Variants in ROBO1 observed in about 807,000 individuals in gnomAD.
ROBO1 encodes the protein roundabout homolog 1.
In ROBO1, 149 loss-of-function variants were observed where a neutral mutation model predicts 195.9. The observed-to-expected ratio is 0.76, with a 90% confidence interval of 0.67 to 0.87. ROBO1 has a LOEUF of 0.87. ROBO1 is among the 40% of genes least tolerant of loss of function. The probability of loss-of-function intolerance (pLI) is 0.00; values close to 1 mark genes in which losing one functional copy is unlikely to be tolerated. For missense variants in ROBO1, 1,933 were observed against 2,068.3 expected (o/e 0.93, Z 1.27); for synonymous variants, 816 against 733.2 (o/e 1.11, Z -1.82).
chr3:78,897,581 G>C (rs993575735), intron 4 of ROBO1, among the ~76,000 whole-genome samples: 1 of 152,060 alleles, frequency 6.6e-6, no homozygotes, highest in Non-Finnish European at 1.5e-5. Context: ...GTTATTTTGA[G>C]AGCATAAAAG....
intron 1 of ROBO1, among the ~76,000 whole-genome samples, chr3:79,602,804 T>C (rs569603404): frequency 6.6e-6 from 1 of 152,114 alleles, no homozygotes; most frequent in South Asian, 2.1e-4. Context: ...CTACTGGAAC[T>C]AAAAATAGGT....
At chr3:79,258,962 C>T (rs2082887627) in intron 2 of ROBO1, among the ~76,000 whole-genome samples, 1 of 151,958 alleles carries the variant, frequency 6.6e-6, no homozygotes, top group South Asian at 2.1e-4. Context: ...AGATATGATG[C>T]CATATAGAGA....
intron 5 of ROBO1, among the ~76,000 whole-genome samples, chr3:78,727,430 T>C (rs997838259): frequency 1.3e-5 from 2 of 152,042 alleles, no homozygotes; most frequent in Non-Finnish European, 2.9e-5. Context: ...ATTGAGACCA[T>C]CCTGGCTAAC....
At chr3:79,500,968 C>A (rs1025618369) in intron 2 of ROBO1, among the ~76,000 whole-genome samples, 1 of 152,094 alleles carries the variant, frequency 6.6e-6, no homozygotes, top group African/African-American at 2.4e-5. Context: ...TTTCCTCCCC[C>A]ACCATCACTC....
intron 8 of ROBO1, among the ~76,000 whole-genome samples, chr3:78,704,359 C>A (rs1182660436): frequency 6.6e-6 from 1 of 152,004 alleles, no homozygotes; most frequent in East Asian, 1.9e-4. Context: ...TCCTATGGAT[C>A]TCACACAAAG....
chr3:78,828,451 T>C (rs371804206), intron 4 of ROBO1, among the ~76,000 whole-genome samples: 4 of 152,310 alleles, frequency 2.6e-5, no homozygotes, highest in African/African-American at 9.6e-5. Flanking sequence ...TAGGAAAATC[T>C]TGCATGTATC....
chr3:79,405,857 G>A (rs1225213054), intron 2 of ROBO1, among the ~76,000 whole-genome samples: 1 of 152,104 alleles, frequency 6.6e-6, no homozygotes, highest in Admixed American at 6.6e-5. Context: ...AACAAAAAAT[G>A]TATAAGCCAA....
At chr3:79,606,158 A>T (rs1008537125) in intron 1 of ROBO1, among the ~76,000 whole-genome samples, 1 of 100,456 alleles carries the variant, frequency 1.0e-5, no homozygotes, top group Non-Finnish European at 2.1e-5. Context: ...TTACTCATTT[A>T]AAAAAAATCC....
At chr3:79,691,711 G>A (rs1450787233) in intron 1 of ROBO1, among the ~76,000 whole-genome samples, 2 of 151,778 alleles carry the variant, frequency 1.3e-5, no homozygotes, top group East Asian at 3.9e-4. Flanking sequence ...GCATAAGCTT[G>A]TTAGCAAGTT....
chr3:79,480,954 G>T (rs930196034), intron 2 of ROBO1, among the ~76,000 whole-genome samples: 1 of 152,082 alleles, frequency 6.6e-6, no homozygotes, highest in Non-Finnish European at 1.5e-5. Flanking sequence ...GAAGACATGT[G>T]AGATCAATTT....
intron 2 of ROBO1, among the ~76,000 whole-genome samples, chr3:79,456,626 T>C (rs2039627638): frequency 6.6e-6 from 1 of 152,174 alleles, no homozygotes; most frequent in Non-Finnish European, 1.5e-5. Flanking sequence ...GTTTTCTCTA[T>C]CTGAATCAAT....
chr3:79,555,344 C>T (rs9882958), intron 2 of ROBO1, among the ~76,000 whole-genome samples: 36,905 of 151,794 alleles, frequency 0.24, 5,134 homozygotes, highest in African/African-American at 0.37. Flanking sequence ...GGAAAGTTAC[C>T]GATTCCTGAG....
chr3:79,002,365 C>A (rs936714926), intron 3 of ROBO1, among the ~76,000 whole-genome samples: 5 of 151,958 alleles, frequency 3.3e-5, no homozygotes, highest in Admixed American at 3.3e-4. Context: ...CATTAAGTAT[C>A]AATAGTCCAA....
At position 78,857,820 on chromosome 3, in the gene ROBO1, C is replaced by T. The variant is rs1369983674; in HGVS notation, c.499+80781G>A. Among the ~76,000 whole-genome samples, 12 of 152,124 alleles carry T rather than the reference C, an allele frequency of 7.9e-5. No individual in the cohort carries two copies. The South Asian group carries it at 8.3e-4, about 10-fold the overall frequency. ...TGGTCTCCCTCTTTTGAAATCCAGG[C>T]GTTAACTCATAAGGCCTTTGGTTAA... On this transcript the variant is annotated intron_variant, in intron 4 of 30. Transcript: ENST00000464233.
chr3:79,003,181 C>A (rs140343213), intron 3 of ROBO1, among the ~76,000 whole-genome samples: 11 of 152,170 alleles, frequency 7.2e-5, no homozygotes, highest in Non-Finnish European at 1.5e-4. Context: ...ATAGAAATGG[C>A]CATCACATTG....
At chr3:79,039,989 C>T (rs1198373468) in intron 3 of ROBO1, among the ~76,000 whole-genome samples, 1 of 152,018 alleles carries the variant, frequency 6.6e-6, no homozygotes, top group African/African-American at 2.4e-5. Context: ...ATGCTCAATA[C>T]ATAACCATCA....
chr3:79,113,887 A>G (rs1207986143), intron 3 of ROBO1, among the ~76,000 whole-genome samples: 4 of 152,136 alleles, frequency 2.6e-5, no homozygotes, highest in African/African-American at 9.7e-5. Flanking sequence ...TTGCACACAT[A>G]ACTTATATGG....
chr3:79,201,239 T>A (rs575506728), intron 2 of ROBO1, among the ~76,000 whole-genome samples: 29 of 152,136 alleles, frequency 1.9e-4, no homozygotes, highest in Non-Finnish European at 3.4e-4. Flanking sequence ...AAAACCTCAG[T>A]GAACTACCAT....
chr3:79,475,451 A>G (rs578120637), intron 2 of ROBO1, among the ~76,000 whole-genome samples: 4 of 152,180 alleles, frequency 2.6e-5, no homozygotes, highest in Middle Eastern at 3.4e-3. Flanking sequence ...GCTTCCAAAT[A>G]TATTATTACA....
Sources: gnomAD v4.1 joint callset for allele counts (sites outside exome capture counted in the v4.1 genomes callset) on GRCh38, gnomAD v4.1.1 for gene constraint, MANE v1.5 for transcripts, NCBI Gene and HGNC (gene_info 2026-07-23, HGNC 2026-07-21) for gene names.